MIGA1: variants seen among roughly 807,000 people sequenced by gnomAD.
MIGA1 encodes the protein family with sequence similarity 73, member A.
Under a neutral mutation model 82.0 loss-of-function variants are expected in MIGA1, and 58 were observed. The observed-to-expected ratio is 0.71, with a 90% confidence interval of 0.57 to 0.88. The LOEUF (loss-of-function observed/expected upper bound fraction) is 0.88, where lower values mean the gene tolerates loss of function less well. MIGA1 is among the 40% of genes least tolerant of loss of function. The pLI is 0.00. For missense variants in MIGA1, 751 were observed against 749.1 expected, an observed-to-expected ratio of 1.00 and a Z score of -0.03; for synonymous variants, 249 against 253.6, an observed-to-expected ratio of 0.98 and a Z score of 0.17.
chr1:77,836,973 A>T (rs965942496), intron 7 of MIGA1, among the ~76,000 whole-genome samples: 6 of 152,206 alleles, frequency 3.9e-5, no homozygotes, highest in African/African-American at 1.2e-4. Context: ...TAATGATTAC[A>T]TATGTCAAGT....
chr1:77,793,531 C>A (rs1213684768), intron 2 of MIGA1, among the ~76,000 whole-genome samples: 1 of 152,098 alleles, frequency 6.6e-6, no homozygotes, highest in Non-Finnish European at 1.5e-5. Context: ...ACAATCTTGG[C>A]TCGCTGCAAC....
At chr1:77,811,592 C>T (rs1196054050) in intron 5 of MIGA1, 4 of 1,612,130 alleles carry the variant, frequency 2.5e-6, no homozygotes, top group East Asian at 4.5e-5. Flanking sequence ...GCAATTTTGC[C>T]TATGGTTTTC....
intron 8 of MIGA1, among the ~76,000 whole-genome samples, 193 bp downstream of exon 8, chr1:77,843,600 A>C (rs1299974785): frequency 2.0e-5 from 3 of 152,210 alleles, no homozygotes; most frequent in African/African-American, 7.2e-5. Context: ...CTTTAAGGAG[A>C]TGGACCTGTA....
intron 5 of MIGA1, among the ~76,000 whole-genome samples, chr1:77,808,130 CT>C (rs754585009): frequency 0.058 from 7,881 of 136,950 alleles, 194 homozygotes; most frequent in Non-Finnish European, 0.067. Context: ...ACCTTTCTCT[CT>C]TTTTTTTTTT....
rs1221787912 is a variant in MIGA1, at chr1:77,779,649, C to T, written c.-7C>T. The T allele has an allele frequency of 6.4e-7, 1 of 1,573,370 alleles. No individual in the cohort carries two copies. Among genetic ancestry groups the T allele is most frequent in the Non-Finnish European group, 8.6e-7 (1 of 1,159,096 alleles). On this transcript the variant is annotated 5_prime_UTR_variant, in exon 1 of 16. Coordinates refer to ENST00000370791, the MANE Select transcript of MIGA1 (RefSeq NM_198549.4). ...ACTCCTGACCCCGGAAGGACTCCGC[C>T]TTCTCCATGTCAGACTGCTGCTCAG...
At chr1:77,800,548 C>A (rs1269775704) in intron 2 of MIGA1, among the ~76,000 whole-genome samples, 4 of 152,110 alleles carry the variant, frequency 2.6e-5, no homozygotes, top group Non-Finnish European at 5.9e-5. Context: ...TTTAGAGTTC[C>A]TTTGCTTTTA....
At chr1:77,829,934 G>C (rs1359223319) in intron 7 of MIGA1, among the ~76,000 whole-genome samples, 1 of 120,572 alleles carries the variant, frequency 8.3e-6, no homozygotes, top group African/African-American at 3.3e-5. Context: ...GTCTTTTCTG[G>C]GCTCTCTATT....
chr1:77,795,632 C>CTT (rs774683958), intron 2 of MIGA1, among the ~76,000 whole-genome samples: 5 of 136,156 alleles, frequency 3.7e-5, no homozygotes, highest in Admixed American at 7.4e-5. Flanking sequence ...ATATTACTTT[C>CTT]TTTTTTTTTT....
intron 8 of MIGA1, among the ~76,000 whole-genome samples, chr1:77,843,727 A>G (rs962384415): frequency 2.0e-5 from 3 of 152,104 alleles, no homozygotes; most frequent in Non-Finnish European, 2.9e-5. Flanking sequence ...AAGATGTTCA[A>G]TTTCTTTAGT....
At chr1:77,798,561 C>G (rs1682753446) in intron 2 of MIGA1, among the ~76,000 whole-genome samples, 1 of 152,152 alleles carries the variant, frequency 6.6e-6, no homozygotes, top group African/African-American at 2.4e-5. Flanking sequence ...GAAACTGCCC[C>G]TATGATTCAA....
At chr1:77,843,286 T>C (rs1334954696) in intron 7 of MIGA1, 21 bp from the exon 8 acceptor site, 1 of 1,552,360 alleles carries the variant, frequency 6.4e-7, no homozygotes, top group Non-Finnish European at 8.9e-7. Flanking sequence ...CTTTCTGAAC[T>C]TTTCACCTTT....
intron 7 of MIGA1, among the ~76,000 whole-genome samples, chr1:77,842,641 G>A (rs773468102): frequency 2.0e-5 from 3 of 152,132 alleles, no homozygotes; most frequent in South Asian, 2.1e-4. Flanking sequence ...TCCACCTCCC[G>A]GGTTCAAGCA....
intron 7 of MIGA1, among the ~76,000 whole-genome samples, chr1:77,815,997 G>A (rs1683559809): frequency 6.6e-6 from 1 of 152,172 alleles, no homozygotes; most frequent in Non-Finnish European, 1.5e-5. Context: ...AGGCTGGGGT[G>A]CAGTGGCATG....
chr1:77,842,979 C>T (rs1371610887), intron 7 of MIGA1, among the ~76,000 whole-genome samples: 1 of 152,214 alleles, frequency 6.6e-6, no homozygotes, highest in Non-Finnish European at 1.5e-5. Context: ...AAATAAATTG[C>T]TCTGTTTCAA....
intron 14 of MIGA1, among the ~76,000 whole-genome samples, chr1:77,870,832 G>A (rs1316801496): frequency 2.6e-5 from 4 of 151,330 alleles, no homozygotes; most frequent in Non-Finnish European, 4.4e-5. Flanking sequence ...CTGCAATCCC[G>A]GCACCTCGGG....
intron 3 of MIGA1, 79 bp from the exon 4 acceptor site, chr1:77,803,191 T>A: frequency 2.2e-6 from 2 of 912,110 alleles, no homozygotes; most frequent in South Asian, 7.4e-5. Flanking sequence ...GGTGAATATA[T>A]TATAAACTCT....
chr1:77,869,521 G>A (rs527577429), intron 14 of MIGA1, among the ~76,000 whole-genome samples: 2 of 135,984 alleles, frequency 1.5e-5, no homozygotes, highest in African/African-American at 2.8e-5. Flanking sequence ...AGGGGCGGCC[G>A]GGCAGAAGCG....
chr1:77,860,302 G>T lies in MIGA1; in HGVS notation c.1275+176G>T. ...ATAAAGTCCACACTATTTCAACCAA[G>T]TTGTTTCTCATAAATTATTTCCAGT... On this transcript the variant is annotated intron_variant, in intron 11 of 15. Transcript: ENST00000370791. The T allele has an allele frequency of 1.1e-5, 6 of 532,378 alleles. No homozygotes were observed. The South Asian group carries it at 1.7e-4, about 15-fold the overall frequency. 33.0% of individuals were successfully genotyped at this position (532,378 alleles called of 1,614,324 possible).
At position 77,805,151 on chromosome 1, in the gene MIGA1, C is replaced by T. The variant is rs559946957; in HGVS notation, c.510+1745C>T. On this transcript the variant is annotated intron_variant, in intron 4 of 15. Transcript: ENST00000370791. The stretch of plus-strand genomic sequence containing the variant: ...CTGGGACTACAGGCACCCGCCACCA[C>T]GCCCGGCTAATTTTTTGTATTTTTT... Among the ~76,000 whole-genome samples, 14 of 152,036 alleles carry T rather than the reference C, an allele frequency of 9.2e-5. No individual in the cohort carries two copies. The South Asian group carries it at 1.2e-3, about 14-fold the overall frequency.
Sources: gnomAD v4.1 joint callset for allele counts (sites outside exome capture counted in the v4.1 genomes callset) on GRCh38, gnomAD v4.1.1 for gene constraint, MANE v1.5 for transcripts, NCBI Gene and HGNC (gene_info 2026-07-23, HGNC 2026-07-21) for gene names.